The following PITPNM3 variants were observed in gnomAD, a reference collection of about 807,000 sequenced individuals.
PITPNM3 encodes the protein PITPNM family member 3.
In PITPNM3, 26 loss-of-function variants were observed where a neutral mutation model predicts 102.0. That is an observed-to-expected ratio of 0.25 (90% CI 0.19 to 0.35). The LOEUF (loss-of-function observed/expected upper bound fraction) is 0.35. Among genes scored for constraint, PITPNM3 ranks in the 10% least tolerant of loss-of-function variants. The pLI is 1.00. For missense variants in PITPNM3, 1,083 were observed against 1,346.1 expected (o/e 0.80, Z 3.06); for synonymous variants, 578 against 558.6 (o/e 1.03, Z -0.49).
intron 1 of PITPNM3, among the ~76,000 whole-genome samples, chr17:6,548,395 C>A (rs147316833): frequency 2.5e-4 from 38 of 152,222 alleles, no homozygotes; most frequent in African/African-American, 9.1e-4. Flanking sequence ...CACACACACC[C>A]GAACTGGGCA....
intron 3 of PITPNM3, among the ~76,000 whole-genome samples, chr17:6,515,397 CA>C (rs61420968): frequency 0.4 from 32,721 of 81,946 alleles, 2,680 homozygotes; most frequent in South Asian, 0.48. Flanking sequence ...GACTCCATCT[CA>C]AAAAAAAAAA....
Position 6,454,975 on chromosome 17 carries a change from C to T in PITPNM3, c.*363G>A. 1 of 280,238 alleles carries T rather than the reference C, an allele frequency of 3.6e-6. No homozygotes were observed. The highest frequency in any genetic ancestry group is 6.7e-6 in the Non-Finnish European group (1 of 149,030). The allele number at this position is 280,238 out of a possible 1,614,324, so 17.4% of individuals were successfully genotyped here. ...GAGGCTGGGGCTGCCCCCTTGAGGG[C>T]CTGCCTAGCTCGCTGTGAAGCCTGG... On this transcript the variant is annotated 3_prime_UTR_variant, in exon 20 of 20. Transcript: ENST00000262483.
rs1221747156 is a variant in PITPNM3 at position 6,469,478 on chromosome 17, A to G, written c.1773+782T>C. ...CCCCTGCCCAGCCCTGCTCTTCCGCACGTGCAGGACACAGAACCACCTTAG... is the reference window on the plus strand; with the variant it reads ...CCCCTGCCCAGCCCTGCTCTTCCGCGCGTGCAGGACACAGAACCACCTTAG... On this transcript the variant is annotated intron_variant, in intron 13 of 19. Coordinates refer to ENST00000262483, the MANE Select transcript of PITPNM3 (RefSeq NM_031220.4). This position sits in a 1 kb window ranked among gnomAD's most constrained non-coding sequence, Gnocchi z 4.0. Among the ~76,000 whole-genome samples, 1 of 149,098 alleles carries G rather than the reference A, an allele frequency of 6.7e-6. No individual in the cohort carries two copies.
At chr17:6,474,878 T>C (rs1185229830) in intron 9 of PITPNM3, among the ~76,000 whole-genome samples, 1 of 152,212 alleles carries the variant, frequency 6.6e-6, no homozygotes, top group Non-Finnish European at 1.5e-5. Context: ...GTGGTCTCCA[T>C]TGCATCTAGT....
chr17:6,507,779 C>A (rs1907622826), intron 3 of PITPNM3, among the ~76,000 whole-genome samples: 1 of 152,134 alleles, frequency 6.6e-6, no homozygotes, highest in Non-Finnish European at 1.5e-5. Context: ...CAGGGAGGAG[C>A]CGGGTCTGAG....
chr17:6,485,184 G>A (rs556004291), intron 4 of PITPNM3, among the ~76,000 whole-genome samples: 165 of 146,922 alleles, frequency 1.1e-3, no homozygotes, highest in African/African-American at 4.0e-3. Flanking sequence ...TTTTGATGGA[G>A]TTTCACTCTT....
rs189742086 is a variant in PITPNM3, at chr17:6,517,310, G to A, written c.226+8046C>T. On this transcript the variant is annotated intron_variant, in intron 3 of 19. Coordinates refer to ENST00000262483, the MANE Select transcript of PITPNM3 (RefSeq NM_031220.4). The surrounding 1 kb of genome is among the most constrained non-coding windows in gnomAD (Gnocchi z 4.1). ...AGAATGAGAAGGAGGGGGAGGTGGC[G>A]GAGGAGTTGTCACTGCCAAAGCCAC... is the stretch of plus-strand genomic sequence containing the variant. 2.1e-4 allele frequency among the ~76,000 whole-genome samples: 32 copies of A among 152,296 alleles called. No homozygotes were observed. In the East Asian group the frequency reaches 4.6e-3, roughly 22 times the overall value.
rs569051957 is a variant in PITPNM3, at chr17:6,552,769, T to C, written c.22+3616A>G. Among the ~76,000 whole-genome samples the C allele has an allele frequency of 2.0e-4, 28 of 139,428 alleles. No homozygotes were observed. The East Asian group carries it at 3.7e-3, about 18-fold the overall frequency. The allele number at this position is 139,428 out of a possible 152,430, so 91.5% of individuals were successfully genotyped here. On this transcript the variant is annotated intron_variant, in intron 1 of 19. Transcript: ENST00000262483. ...CTGGCCACCTTTCTTTTTCTTTTTT[T>C]TTTTTTTTTTTTTTTGAGACGGAGT...
intron 3 of PITPNM3, among the ~76,000 whole-genome samples, chr17:6,519,820 ACT>A (rs918191525): frequency 6.6e-6 from 1 of 151,810 alleles, no homozygotes; most frequent in African/African-American, 2.4e-5. Context: ...ACAGAGCAAG[ACT>A]CTGTCTCCAA....
intron 4 of PITPNM3, among the ~76,000 whole-genome samples, chr17:6,484,895 G>A (rs2150583973): frequency 6.6e-6 from 1 of 152,308 alleles, no homozygotes; most frequent in East Asian, 1.9e-4. Flanking sequence ...CAGGGAGGGA[G>A]GATTCACTCT....
intron 3 of PITPNM3, among the ~76,000 whole-genome samples, chr17:6,523,675 C>T (rs1196257478): frequency 2.0e-5 from 3 of 152,216 alleles, no homozygotes; most frequent in Admixed American, 6.5e-5. Context: ...ACCTAGAATC[C>T]ATGACCCCTT....
Position 6,463,769 on chromosome 17 carries a change from C to T in PITPNM3, c.2269G>A (p.Asp757Asn), listed in dbSNP as rs764104855. 3 of 1,612,200 alleles carry T rather than the reference C, an allele frequency of 1.9e-6. No individual in the cohort carries two copies. Among genetic ancestry groups the T allele is most frequent in the Non-Finnish European group, 2.5e-6 (3 of 1,179,814 alleles). The change falls in exon 17 of 20, where the codon GAC becomes AAC. Residue 757 changes from aspartate (D) to asparagine (N), a missense_variant. Coordinates refer to ENST00000262483, the MANE Select transcript of PITPNM3 (RefSeq NM_031220.4). ...ACTGCACCCGGCCGGACCTTGGGGT[C>T]GCTTCCCATGATAGACACGCTGGCC... is the stretch of plus-strand genomic sequence containing the variant. ...FAASVSIMGS[D>N]PKVRPGAVDV...
intron 1 of PITPNM3, among the ~76,000 whole-genome samples, chr17:6,546,573 C>A (rs1403588091): frequency 1.3e-5 from 2 of 152,374 alleles, no homozygotes; most frequent in East Asian, 1.9e-4. Context: ...CACCACGAAC[C>A]TGACCACAGA....
At chr17:6,503,477 G>A (rs778549453) in intron 4 of PITPNM3, 50 bp downstream of exon 4, 3 of 1,587,186 alleles carry the variant, frequency 1.9e-6, no homozygotes, top group Non-Finnish European at 2.6e-6. Flanking sequence ...CAATGAGCTT[G>A]CACCCATCCA....
intron 1 of PITPNM3, among the ~76,000 whole-genome samples, chr17:6,554,673 A>T (rs1188235622): frequency 6.6e-6 from 1 of 152,098 alleles, no homozygotes; most frequent in African/African-American, 2.4e-5. Context: ...TGGCACCCCC[A>T]TTTGGTAAGG....
rs763649204 is a variant in PITPNM3 at position 6,474,553 on chromosome 17, C to T, written c.1137G>A (p.Gly379=). ...KDESETPAAG[G]PQLPEVSLGR... The stretch of plus-strand genomic sequence containing the variant: ...CCAGGCTGACCTCAGGGAGCTGCGG[C>T]CCCCCAGCCGCCGGGGTCTCAGACT... The change falls in exon 10 of 20, where the codon GGG becomes GGA. Residue 379 remains glycine, a synonymous_variant. Coordinates refer to ENST00000262483, the MANE Select transcript of PITPNM3 (RefSeq NM_031220.4). The T allele has an allele frequency of 1.9e-6, 3 of 1,601,428 alleles. No individual in the cohort carries two copies. Among genetic ancestry groups the T allele is most frequent in the East Asian group, 2.3e-5 (1 of 44,114 alleles).
intron 2 of PITPNM3, among the ~76,000 whole-genome samples, chr17:6,526,682 T>C (rs1439839386): frequency 1.3e-5 from 2 of 152,208 alleles, no homozygotes; most frequent in Non-Finnish European, 2.9e-5. Context: ...ACCGTTACCA[T>C]ACACTGAGAT....
chr17:6,526,231 T>C (rs1432892475), intron 2 of PITPNM3, among the ~76,000 whole-genome samples: 1 of 152,186 alleles, frequency 6.6e-6, no homozygotes, highest in Non-Finnish European at 1.5e-5. Context: ...TGGGGCTATA[T>C]TCCATAACCA....
At chr17:6,525,567 C>A (rs1001959934) in intron 2 of PITPNM3, 104 bp from the exon 3 acceptor site, 2 of 848,396 alleles carry the variant, frequency 2.4e-6, no homozygotes, top group African/African-American at 3.3e-5. Context: ...CTATTTCTTC[C>A]TTGAGTTGAG....
Sources: allele counts gnomAD v4.1 joint callset (sites outside exome capture counted in the v4.1 genomes callset), GRCh38; gene constraint gnomAD v4.1.1; non-coding constraint Gnocchi (gnomAD v3.1); transcripts MANE v1.5; gene names NCBI Gene and HGNC (gene_info 2026-07-23, HGNC 2026-07-21).